The following GRIA1 variants were observed in gnomAD, a reference collection of about 807,000 sequenced individuals.
GRIA1 encodes the protein glutamate ionotropic receptor AMPA type subunit 1, also known as glutamate receptor 1.
In GRIA1, 31 loss-of-function variants were observed where a neutral mutation model predicts 99.2. That is an observed-to-expected ratio of 0.31 (90% CI 0.23 to 0.42). The LOEUF (loss-of-function observed/expected upper bound fraction) is 0.42, where lower values mean the gene tolerates loss of function less well. Among genes scored for constraint, GRIA1 ranks in the 10% least tolerant of loss-of-function variants. GRIA1 has a pLI of 1.00. For synonymous variants in GRIA1, 438 were observed against 432.4 expected (o/e 1.01, Z -0.16); for missense variants, 782 against 1,157.5 (o/e 0.68, Z 4.71).
intron 11 of GRIA1, among the ~76,000 whole-genome samples, chr5:153,760,838 A>G (rs1763134639): frequency 6.6e-6 from 1 of 152,072 alleles, no homozygotes; most frequent in African/African-American, 2.4e-5. Context: ...CAACACACAG[A>G]CTAATGGAAC....
At chr5:153,501,590 T>C (rs1259147478) in intron 2 of GRIA1, among the ~76,000 whole-genome samples, 1 of 152,214 alleles carries the variant, frequency 6.6e-6, no homozygotes, top group Non-Finnish European at 1.5e-5. Context: ...TAGATTTCTG[T>C]TTTCTCATCA....
intron 12 of GRIA1, among the ~76,000 whole-genome samples, chr5:153,767,237 T>C (rs1017427981): frequency 6.6e-6 from 1 of 152,222 alleles, no homozygotes; most frequent in Non-Finnish European, 1.5e-5. Flanking sequence ...TGTTCTCATA[T>C]AATCTCCACG....
At chr5:153,700,537 G>C (rs1444858725) in intron 10 of GRIA1, among the ~76,000 whole-genome samples, 1 of 152,152 alleles carries the variant, frequency 6.6e-6, no homozygotes. Context: ...AGTAGTCAGG[G>C]ATACATATGA....
chr5:153,691,666 G>C (rs17523165), intron 8 of GRIA1, among the ~76,000 whole-genome samples: 14,168 of 152,118 alleles, frequency 0.093, 791 homozygotes, highest in Non-Finnish European at 0.12. Context: ...ACCCAATTTT[G>C]ACCATACTGA....
intron 2 of GRIA1, among the ~76,000 whole-genome samples, chr5:153,645,873 A>G (rs1754114014): frequency 6.6e-6 from 1 of 152,246 alleles, no homozygotes; most frequent in Non-Finnish European, 1.5e-5. Flanking sequence ...TATATGTAAA[A>G]GGACCACAAA....
intron 2 of GRIA1, among the ~76,000 whole-genome samples, chr5:153,590,934 A>G (rs947522810): frequency 6.6e-6 from 1 of 152,174 alleles, no homozygotes; most frequent in African/African-American, 2.4e-5. Context: ...TGGTCTAAGC[A>G]TTGCCCCTTT....
Position 153,765,722 on chromosome 5 carries a change from GAAT to G in GRIA1, c.2022+1096_2022+1098del, listed in dbSNP as rs549346908. Among the ~76,000 whole-genome samples, 299 of 152,228 alleles carry G rather than the reference GAAT, an allele frequency of 2.0e-3. 1 individual carries two copies. The highest frequency in any genetic ancestry group is 3.4e-3 in the Admixed American group (52 of 15,296). The stretch of plus-strand genomic sequence containing the variant: ...GAACTACCATCTATGGATCAAATAA[GAAT>G]AATAAGAAACATTTGCTACCGCCTA... On this transcript the variant is annotated intron_variant, in intron 12 of 15. Coordinates refer to ENST00000285900, the MANE Select transcript of GRIA1 (RefSeq NM_000827.4).
chr5:153,545,514 G>T (rs912344249), intron 2 of GRIA1, among the ~76,000 whole-genome samples: 1 of 152,092 alleles, frequency 6.6e-6, no homozygotes, highest in African/African-American at 2.4e-5. Context: ...GTCGGCTTAA[G>T]GATATTTGCA....
At chr5:153,558,145 A>T (rs1432563320) in intron 2 of GRIA1, 1 of 152,206 alleles carries the variant, frequency 6.6e-6, no homozygotes. Context: ...ACTAAACAAT[A>T]GGAATTTTTC....
At chr5:153,775,390 C>T (rs1764156382) in intron 13 of GRIA1, among the ~76,000 whole-genome samples, 1 of 152,190 alleles carries the variant, frequency 6.6e-6, no homozygotes, top group Non-Finnish European at 1.5e-5. Flanking sequence ...TTAGCTGTGA[C>T]TGTGGTTACA....
In GRIA1 at chr5:153,546,370, T is replaced by C. The variant is rs143293815; in HGVS notation, c.220+52305T>C. On this transcript the variant is annotated intron_variant, in intron 2 of 15. Transcript: ENST00000285900. ...TATGCACCTGGAGCTTTACATTTTA[T>C]AAAATTTTTTGGAAGTGCTTTGTTA... Among the ~76,000 whole-genome samples the C allele has an allele frequency of 4.2e-3, 638 of 152,306 alleles. 5 individuals carry two copies. The highest frequency in any genetic ancestry group is 0.015 in the African/African-American group (616 of 41,576).
intron 2 of GRIA1, among the ~76,000 whole-genome samples, chr5:153,526,660 G>A (rs148090981): frequency 1.4e-4 from 22 of 152,342 alleles, no homozygotes; most frequent in Admixed American, 5.2e-4. Flanking sequence ...GATGCATTTG[G>A]TATGTTAAAA....
intron 2 of GRIA1, among the ~76,000 whole-genome samples, chr5:153,628,760 GA>G (rs1334274389): frequency 1.3e-5 from 2 of 152,004 alleles, no homozygotes; most frequent in African/African-American, 4.8e-5. Flanking sequence ...CTATACAATA[GA>G]GCAAATTATT....
intron 2 of GRIA1, among the ~76,000 whole-genome samples, chr5:153,569,840 G>A (rs2149361505): frequency 6.6e-6 from 1 of 152,284 alleles, no homozygotes; most frequent in African/African-American, 2.4e-5. Context: ...CAGAGGAAAA[G>A]TGCCATCATT....
intron 13 of GRIA1, among the ~76,000 whole-genome samples, chr5:153,786,751 C>A (rs1322618664): frequency 6.6e-6 from 1 of 152,154 alleles, no homozygotes; most frequent in South Asian, 2.1e-4. Flanking sequence ...TGCTCAAGGG[C>A]AGATTCAAGG....
At chr5:153,601,503 A>G (rs1403748471) in intron 2 of GRIA1, among the ~76,000 whole-genome samples, 1 of 152,182 alleles carries the variant, frequency 6.6e-6, no homozygotes, top group Non-Finnish European at 1.5e-5. Flanking sequence ...AGGTTCATAT[A>G]CTCTCACATG....
chr5:153,722,206 C>T (rs910536416), intron 11 of GRIA1, among the ~76,000 whole-genome samples: 2 of 152,144 alleles, frequency 1.3e-5, no homozygotes, highest in African/African-American at 4.8e-5. Flanking sequence ...CTTCATATAG[C>T]CTTGACATAA....
rs777999155 is a variant in GRIA1, at chr5:153,674,630, A to T, written c.830A>T (p.Asp277Val). Residue 277 changes from aspartate to valine, a missense_variant, in exon 6 of 16, where the codon GAC (aspartate) becomes GTC (valine). Physicochemically the swap from Asp to Val is radical, Grantham distance 152. Coordinates refer to ENST00000285900, the MANE Select transcript of GRIA1 (RefSeq NM_000827.4). Reference protein sequence around the residue: ...MQQWKNSDARDHTRVDWKRPK... With the variant: ...MQQWKNSDARVHTRVDWKRPK... ...CAGTGGAAGAATAGTGATGCTCGAG[A>T]CCACACACGGGTGGACTGGAAGAGA... 1.2e-6 allele frequency: 2 copies of T among 1,614,058 alleles called. No individual in the cohort carries two copies. The highest frequency in any genetic ancestry group is 1.7e-4 in the Middle Eastern group (1 of 6,060).
chr5:153,689,932 G>T (rs941202911), intron 8 of GRIA1, among the ~76,000 whole-genome samples: 1 of 152,178 alleles, frequency 6.6e-6, no homozygotes, highest in Non-Finnish European at 1.5e-5. Flanking sequence ...CCTAACTATT[G>T]CCCAGAGACT....
Sources: allele counts gnomAD v4.1 joint callset (sites outside exome capture counted in the v4.1 genomes callset), GRCh38; gene constraint gnomAD v4.1.1; transcripts MANE v1.5; gene names NCBI Gene and HGNC (gene_info 2026-07-23, HGNC 2026-07-21).